PKP3: variants seen among roughly 807,000 people sequenced by gnomAD.
PKP3 encodes plakophilin 3.
PKP3 carries 66 observed loss-of-function variants against 76.5 expected under a neutral mutation model. That is an observed-to-expected ratio of 0.86 (90% CI 0.71 to 1.06). The LOEUF is 1.06. Among genes scored for constraint, PKP3 ranks in the 50% least tolerant of loss-of-function variants. PKP3 has a pLI of 0.00. For synonymous variants in PKP3, 638 were observed against 516.5 expected, an observed-to-expected ratio of 1.24 and a Z score of -3.19; for missense variants, 1,338 against 1,141.0, an observed-to-expected ratio of 1.17 and a Z score of -2.49.
rs138617429 is a variant in PKP3, at chr11:403,695, C to G, written c.2001C>G (p.Ala667=). 3 of 1,610,264 alleles carry G rather than the reference C, an allele frequency of 1.9e-6. No individual in the cohort carries two copies. Among genetic ancestry groups the G allele is most frequent in the Non-Finnish European group, 1.7e-6 (2 of 1,179,778 alleles). The change falls in exon 10 of 13, where the codon GCC becomes GCG. Residue 667 remains alanine, a synonymous_variant. Transcript: ENST00000331563. ...CCCTGCTAGACCGTGTCAGGACCGC[C>G]GACCACCACCAGCTGCGCTCACTGA... is the stretch of plus-strand genomic sequence containing the variant. The part of the protein sequence containing the change: ...LNPLLDRVRT[A]DHHQLRSLTG...
At chr11:392,687 C>T (rs1024318506), upstream of PKP3, 21 of 1,286,574 alleles carry the variant, frequency 1.6e-5, no homozygotes, top group African/African-American at 1.1e-4. Flanking sequence ...GGGAGGCTGG[C>T]GGGATCCGGA....
chr11:397,231 C>A lies in PKP3; in HGVS notation c.730C>A (p.Arg244Ser). 6.3e-7 allele frequency: 1 copy of A among 1,599,432 alleles called. No individual in the cohort carries two copies. Among genetic ancestry groups the A allele is most frequent in the Non-Finnish European group, 8.5e-7 (1 of 1,178,822 alleles). ...TGAGGTTTCCCCGAGCCGGACCATC[C>A]GTGCCCCTGCCGTGCGGACCCTGCA... The part of the protein sequence containing the change: ...ATEVSPSRTI[R>S]APAVRTLQRF... The change falls in exon 3 of 13, where the codon CGT becomes AGT. Residue 244 changes from arginine (R) to serine (S), a missense_variant. Transcript: ENST00000331563.
chr11:394,081 T>C (rs1847010003), upstream of PKP3: 3 of 651,692 alleles, frequency 4.6e-6, no homozygotes, highest in Non-Finnish European at 7.0e-6. Flanking sequence ...CCGCCCAAAT[T>C]CCACCTTAAG....
chr11:397,896 ACCC>A (rs1847077687), intron 4 of PKP3: 2 of 439,472 alleles, frequency 4.6e-6, no homozygotes, highest in Non-Finnish European at 8.1e-6. Flanking sequence ...ACCTCCGTAC[ACCC>A]GCACACACCT....
At position 400,102 on chromosome 11, in the gene PKP3, C is replaced by G; in HGVS notation, c.1409C>G (p.Ser470Trp). The G allele has an allele frequency of 1.3e-6, 2 of 1,586,918 alleles. No individual in the cohort carries two copies. Among genetic ancestry groups the G allele is most frequent in the Non-Finnish European group, 1.7e-6 (2 of 1,170,598 alleles). ...GGPPLIQQNA[S>W]EAEIFYNATG... Reference sequence around the variant, plus strand: ...CCCCCCCTCATCCAGCAGAACGCCTCGGAGGCAGAGATCTTCTACAACGCC... The same window carrying G: ...CCCCCCCTCATCCAGCAGAACGCCTGGGAGGCAGAGATCTTCTACAACGCC... Residue 470 changes from serine (S) to tryptophan (W), a missense_variant, in exon 6 of 13, where the codon TCG becomes TGG. Physicochemically the swap from Ser to Trp is radical, Grantham distance 177 (BLOSUM62 -3). Transcript: ENST00000331563.
rs377458542 is a variant in PKP3 at position 403,098 on chromosome 11, G to A, written c.1758G>A (p.Ala586=). ...CGCAGCTGCCCCTCGCCGCCGATGC[G>A]CTCACCTTCGCGGAGGTGTCCAAGG... ...RLRELPLAAD[A]LTFAEVSKDP... is the part of the protein sequence containing the mutation. The change falls in exon 9 of 13, where the codon GCG becomes GCA. Residue 586 remains alanine (A), a synonymous_variant. Coordinates refer to ENST00000331563, the MANE Select transcript of PKP3 (RefSeq NM_007183.4). The A allele has an allele frequency of 9.8e-6, 15 of 1,525,796 alleles. No homozygotes were observed. The African/African-American group carries it at 1.2e-4, about 12-fold the overall frequency. The allele number at this position is 1,525,796 out of a possible 1,614,324, so 94.5% of individuals were successfully genotyped here. A position where few individuals can be genotyped will look rare whatever the true frequency, so the allele number is the denominator to read the frequency against.
At chr11:395,444 G>A (rs1347467713) in intron 1 of PKP3, among the ~76,000 whole-genome samples, 1 of 152,224 alleles carries the variant, frequency 6.6e-6, no homozygotes, top group Non-Finnish European at 1.5e-5. Context: ...CCCTCCAGGG[G>A]CCTCAGCCTT....
chr11:396,645 C>T lies in PKP3; in HGVS notation c.270C>T (p.Gly90=). The change falls in exon 2 of 13, where the codon GGC becomes GGT. Residue 90 remains glycine, a synonymous_variant. Transcript: ENST00000331563. ...GGCAGTACCACACCCTGCAGGCTGG[C>T]TTCAGCTCTCGCTCTCAGGGCCTGA... The part of the protein sequence containing the change: ...SRGQYHTLQA[G]FSSRSQGLSG... 6.2e-7 allele frequency: 1 copy of T among 1,611,120 alleles called. No individual in the cohort carries two copies. Among genetic ancestry groups the T allele is most frequent in the Non-Finnish European group, 8.5e-7 (1 of 1,179,368 alleles).
At position 404,240 on chromosome 11, in the gene PKP3, G is replaced by T. The variant is rs374362753; in HGVS notation, c.2275G>T (p.Asp759Tyr). 8 of 1,612,386 alleles carry T rather than the reference G, an allele frequency of 5.0e-6. No homozygotes were observed. The highest frequency in any genetic ancestry group is 6.8e-6 in the Non-Finnish European group (8 of 1,179,776). The change falls in exon 12 of 13, where the codon GAC becomes TAC. Residue 759 changes from aspartate (D) to tyrosine (Y), a missense_variant. By Grantham distance (160) the Asp-to-Tyr change is radical. Transcript: ENST00000331563. This position sits in a 1 kb window ranked among gnomAD's most constrained non-coding sequence, Gnocchi z 4.2. ...IFIKKKRDSP[D>Y]SEKSSRAASS... ...CTGACTGCCCTCCACCCTCAGCCCC[G>T]ACAGTGAGAAGTCCTCCCGGGCAGC...
rs147995759 is a variant in PKP3 at position 399,009 on chromosome 11, C to T, written c.1086C>T (p.Ala362=). ...AAKKQARSLQ[A]VPRLVKLFNH... is the part of the protein sequence containing the mutation. Reference sequence around the variant, plus strand: ...GCCCGCAGGCCCGCAGCCTTCAGGCCGTGCCTAGGCTGGTGAAGCTCTTCA... The same window carrying T: ...GCCCGCAGGCCCGCAGCCTTCAGGCTGTGCCTAGGCTGGTGAAGCTCTTCA... The change falls in exon 5 of 13, where the codon GCC becomes GCT. Residue 362 remains alanine, a synonymous_variant. Transcript: ENST00000331563. 3.2e-5 allele frequency: 51 copies of T among 1,588,956 alleles called. No individual in the cohort carries two copies. Among genetic ancestry groups the T allele is most frequent in the Admixed American group, 1.5e-4 (9 of 58,448 alleles).
chr11:392,953 A>G (rs12788610), upstream of PKP3, among the ~76,000 whole-genome samples: 120,963 of 152,000 alleles, frequency 0.8, 49,186 homozygotes, highest in East Asian at 1. Context: ...CCAGGGACGG[A>G]GCTAGGGGGC....
rs1847068163 is a variant in PKP3 at position 397,420 on chromosome 11, CGAA to C, written c.920_922del (p.Arg307_Thr308delinsPro). On this transcript the variant is annotated inframe_deletion, in exon 3 of 13. Coordinates refer to ENST00000331563, the MANE Select transcript of PKP3 (RefSeq NM_007183.4). Reference sequence around the variant, plus strand: ...TGGGTTCAACAGCTACGGTAGCCACCGAACCCTGCAGAGACTCAGCAGCGGGTG... The same window carrying C: ...TGGGTTCAACAGCTACGGTAGCCACCCCCTGCAGAGACTCAGCAGCGGGTG... 6.2e-6 allele frequency: 10 copies of C among 1,612,266 alleles called. No homozygotes were observed. Among genetic ancestry groups the C allele is most frequent in the Non-Finnish European group, 5.9e-6 (7 of 1,179,752 alleles).
Position 403,966 on chromosome 11 carries a change from A to T in PKP3, c.2101A>T (p.Ile701Phe), listed in dbSNP as rs1485552173. Reference sequence around the variant, plus strand: ...AGCCACGAAGGTGGTGAGCCACCTGATCGAGAAGCTGCCGGGCAGCGTGGG... The same window carrying T: ...AGCCACGAAGGTGGTGAGCCACCTGTTCGAGAAGCTGCCGGGCAGCGTGGG... ...EMSTKVVSHL[I>F]EKLPGSVGEK... The change falls in exon 11 of 13, where the codon ATC (isoleucine) becomes TTC (phenylalanine). Residue 701 changes from isoleucine to phenylalanine, a missense_variant. Coordinates refer to ENST00000331563, the MANE Select transcript of PKP3 (RefSeq NM_007183.4). The T allele has an allele frequency of 6.2e-7, 1 of 1,605,288 alleles. No homozygotes were observed. The highest frequency in any genetic ancestry group is 1.7e-5 in the Admixed American group (1 of 59,550).
chr11:404,053 G>T lies in PKP3; in HGVS notation c.2188G>T (p.Val730Leu), dbSNP rs1847209551. The T allele has an allele frequency of 6.2e-7, 1 of 1,612,550 alleles. No individual in the cohort carries two copies. Among genetic ancestry groups the T allele is most frequent in the Non-Finnish European group, 8.5e-7 (1 of 1,179,798 alleles). Residue 730 changes from valine (V) to leucine (L), a missense_variant, in exon 11 of 13, where the codon GTG becomes TTG. Val to Leu is a conservative substitution (Grantham distance 32). Transcript: ENST00000331563. This position sits in a 1 kb window ranked among gnomAD's most constrained non-coding sequence, Gnocchi z 4.2. ...CATAGCTGTGCTCAACAACCTGGTG[G>T]TGGCCAGCCCCATCGCTGCCCGAGA... ...NIIAVLNNLVVASPIAARDLL... is the reference protein window; with the variant it reads ...NIIAVLNNLVLASPIAARDLL...
At position 403,746 on chromosome 11, in the gene PKP3, G is replaced by T. The variant is rs1011582562; in HGVS notation, c.2052G>T (p.Arg684=). 1 of 1,608,186 alleles carries T rather than the reference G, an allele frequency of 6.2e-7. No homozygotes were observed. Among genetic ancestry groups the T allele is most frequent in the African/African-American group, 1.3e-5 (1 of 75,034 alleles). Reference sequence around the variant, plus strand: ...CTGGCCTCATCCGAAACCTGTCTCGGAACGCTAGGAACAAGGACGAGATGT... The same window carrying T: ...CTGGCCTCATCCGAAACCTGTCTCGTAACGCTAGGAACAAGGACGAGATGT... ...SLTGLIRNLS[R]NARNKDEMST... Residue 684 remains arginine, a synonymous_variant, in exon 10 of 13, where the codon CGG becomes CGT. Transcript: ENST00000331563.
At chr11:395,142 C>G (rs539199839) in intron 1 of PKP3, among the ~76,000 whole-genome samples, 1 of 152,182 alleles carries the variant, frequency 6.6e-6, no homozygotes, top group Non-Finnish European at 1.5e-5. Context: ...GCCCCACTCA[C>G]GCGAGTGTGT....
At chr11:392,610 G>C (rs781228269), upstream of PKP3, 1 of 1,272,376 alleles carries the variant, frequency 7.9e-7, no homozygotes, top group East Asian at 5.6e-5. Flanking sequence ...AGGCTGCCCC[G>C]CACGCGCCGG....
chr11:403,215 G>T lies in PKP3; in HGVS notation c.1875G>T (p.Thr625=). 1.3e-6 allele frequency: 2 copies of T among 1,590,328 alleles called. No individual in the cohort carries two copies. Among genetic ancestry groups the T allele is most frequent in the Non-Finnish European group, 1.7e-6 (2 of 1,170,918 alleles). Residue 625 remains threonine (T), a synonymous_variant, in exon 9 of 13, where the codon ACG becomes ACT. Coordinates refer to ENST00000331563, the MANE Select transcript of PKP3 (RefSeq NM_007183.4). ...LQRCELNRHT[T]EAAAGALQNI... ...GCTGCGAGCTCAACCGGCACACGAC[G>T]GAGGCGGCCGCCGGGGCGCTGCAGA...
At chr11:398,015 A>ACACACACCTGCGTCACCTCCATACCCCCG in intron 4 of PKP3, among the ~76,000 whole-genome samples, 1 of 50,006 alleles carries the variant, frequency 2.0e-5, no homozygotes, top group African/African-American at 9.0e-5. Context: ...CCATACCCCC[A>ACACACACCTGCGTCACCTCCATACCCCCG]CACACACCTG....
Sources: allele counts gnomAD v4.1 joint callset (sites outside exome capture counted in the v4.1 genomes callset), GRCh38; gene constraint gnomAD v4.1.1; non-coding constraint Gnocchi (gnomAD v3.1); transcripts MANE v1.5; gene names NCBI Gene and HGNC (gene_info 2026-07-23, HGNC 2026-07-21).